LRRC4C: variants seen among roughly 807,000 people sequenced by gnomAD.
LRRC4C encodes leucine-rich repeat-containing protein 4C.
In LRRC4C, 5 loss-of-function variants were observed where a neutral mutation model predicts 33.6. The ratio of observed to expected loss-of-function variants is 0.15; its 90% CI spans 0.08 to 0.31. The LOEUF (loss-of-function observed/expected upper bound fraction) is 0.31, where lower values mean the gene tolerates loss of function less well. Ranked by LOEUF, LRRC4C falls within the 10% of genes least tolerant of loss-of-function variation. LRRC4C has a pLI of 1.00. For synonymous variants in LRRC4C, 329 were observed against 302.0 expected, an observed-to-expected ratio of 1.09 and a Z score of -0.93; for missense variants, 560 against 796.7, an observed-to-expected ratio of 0.70 and a Z score of 3.58.
At chr11:40,883,759 A>G (rs1278533152) in intron 2 of LRRC4C, among the ~76,000 whole-genome samples, 1 of 152,062 alleles carries the variant, frequency 6.6e-6, no homozygotes, top group Non-Finnish European at 1.5e-5. Context: ...AAAACATGTT[A>G]TAAACATGGA....
intron 1 of LRRC4C, among the ~76,000 whole-genome samples, chr11:41,056,237 GC>G: frequency 6.6e-6 from 1 of 152,138 alleles, no homozygotes; most frequent in South Asian, 2.1e-4. Context: ...TATGACTCCA[GC>G]CCTCACAATC....
chr11:41,132,255 T>A (rs1170359598), intron 1 of LRRC4C, among the ~76,000 whole-genome samples: 2 of 152,102 alleles, frequency 1.3e-5, no homozygotes, highest in Non-Finnish European at 2.9e-5. Flanking sequence ...ATGCTGAGTT[T>A]TGGAGAAAAA....
chr11:41,378,071 T>C (rs1304141364), intron 1 of LRRC4C, among the ~76,000 whole-genome samples: 2 of 152,102 alleles, frequency 1.3e-5, no homozygotes, highest in Non-Finnish European at 2.9e-5. Flanking sequence ...ATTGTTTGAC[T>C]TGCGACTTTC....
chr11:40,932,025 A>C (rs1253704732), intron 2 of LRRC4C, among the ~76,000 whole-genome samples: 1 of 152,166 alleles, frequency 6.6e-6, no homozygotes, highest in Non-Finnish European at 1.5e-5. Flanking sequence ...TCCTGACCTC[A>C]AGGGGCTGAG....
At chr11:40,233,673 C>A (rs982967934) in intron 5 of LRRC4C, among the ~76,000 whole-genome samples, 2 of 152,110 alleles carry the variant, frequency 1.3e-5, no homozygotes, top group African/African-American at 2.4e-5. Context: ...AACAATATTA[C>A]AATGACAAGG....
intron 2 of LRRC4C, among the ~76,000 whole-genome samples, chr11:40,928,114 T>C: frequency 6.6e-6 from 1 of 152,150 alleles, no homozygotes; most frequent in South Asian, 2.1e-4. Context: ...TGCTTTCTTA[T>C]TGTTTCACTA....
At chr11:40,304,409 G>A (rs1944926467) in intron 4 of LRRC4C, among the ~76,000 whole-genome samples, 1 of 152,156 alleles carries the variant, frequency 6.6e-6, no homozygotes, top group South Asian at 2.1e-4. Context: ...TAGATTAATG[G>A]CACCCACTGA....
intron 2 of LRRC4C, among the ~76,000 whole-genome samples, chr11:40,767,760 T>A (rs953452615): frequency 6.6e-6 from 1 of 151,666 alleles, no homozygotes; most frequent in East Asian, 1.9e-4. Flanking sequence ...AATGGAAAAA[T>A]TTATTGAAAC....
At chr11:40,404,307 C>T (rs563524695) in intron 3 of LRRC4C, among the ~76,000 whole-genome samples, 2 of 152,208 alleles carry the variant, frequency 1.3e-5, no homozygotes, top group African/African-American at 2.4e-5. Context: ...AGCTGAGCCC[C>T]GTCCAATTGA....
chr11:40,200,880 G>A (rs1382261163), intron 5 of LRRC4C, among the ~76,000 whole-genome samples: 1 of 151,702 alleles, frequency 6.6e-6, no homozygotes, highest in African/African-American at 2.4e-5. Flanking sequence ...TGGTAAGTCA[G>A]GTAAAGCTGA....
intron 4 of LRRC4C, among the ~76,000 whole-genome samples, chr11:40,255,003 A>C (rs1212910840): frequency 6.6e-6 from 1 of 152,080 alleles, no homozygotes. Flanking sequence ...CTATAGTGAC[A>C]GGGTTTCTAT....
chr11:40,690,427 G>A (rs995368122), intron 2 of LRRC4C, among the ~76,000 whole-genome samples: 1 of 152,004 alleles, frequency 6.6e-6, no homozygotes, highest in Admixed American at 6.6e-5. Context: ...GCTTAATGTA[G>A]CAAGGGTTCA....
intron 1 of LRRC4C, among the ~76,000 whole-genome samples, chr11:41,295,744 T>C (rs1215328669): frequency 4.6e-5 from 7 of 152,208 alleles, no homozygotes. Context: ...GCTGCCTTTT[T>C]ATTATTTCCA....
chr11:41,130,974 C>G (rs1942984923), intron 1 of LRRC4C, among the ~76,000 whole-genome samples: 1 of 151,852 alleles, frequency 6.6e-6, no homozygotes. Flanking sequence ...ATTTCTTTGC[C>G]TATATGATTT....
At chr11:41,174,112 G>A (rs1374075973) in intron 1 of LRRC4C, among the ~76,000 whole-genome samples, 3 of 151,606 alleles carry the variant, frequency 2.0e-5, no homozygotes, top group Non-Finnish European at 4.4e-5. Flanking sequence ...CCTATGCTAG[G>A]CACAGGAAAA....
intron 2 of LRRC4C, among the ~76,000 whole-genome samples, chr11:40,780,826 C>T (rs1950183574): frequency 6.7e-6 from 1 of 150,154 alleles, no homozygotes; most frequent in Admixed American, 6.6e-5. Flanking sequence ...AATGAACATG[C>T]AGATTGCCAG....
chr11:40,283,852 G>A (rs925540232), intron 4 of LRRC4C, among the ~76,000 whole-genome samples: 9 of 151,746 alleles, frequency 5.9e-5, no homozygotes, highest in African/African-American at 1.2e-4. Context: ...CTATAGGCAC[G>A]TGCCACCACA....
intron 5 of LRRC4C, among the ~76,000 whole-genome samples, chr11:40,203,906 T>G (rs1015177050): frequency 6.6e-6 from 1 of 152,210 alleles, no homozygotes; most frequent in African/African-American, 2.4e-5. Context: ...CTGAGATCTT[T>G]AAGATATTTT....
At chr11:41,230,918 A>C (rs1302297457) in intron 1 of LRRC4C, among the ~76,000 whole-genome samples, 1 of 140,324 alleles carries the variant, frequency 7.1e-6, no homozygotes, top group African/African-American at 2.8e-5. Context: ...AAAAAAAAAA[A>C]AAAAACCAAA....
Sources: allele counts gnomAD v4.1 joint callset (sites outside exome capture counted in the v4.1 genomes callset), GRCh38; gene constraint gnomAD v4.1.1; transcripts MANE v1.5; gene names NCBI Gene and HGNC (gene_info 2026-07-23, HGNC 2026-07-21).